The following CNTNAP5 variants were observed in gnomAD, a reference collection of about 807,000 sequenced individuals.
CNTNAP5 encodes contactin associated protein family member 5.
A neutral mutation model predicts 150.2 loss-of-function variants in CNTNAP5; 72 were observed. The observed-to-expected ratio is 0.48, with a 90% CI of 0.40 to 0.58. CNTNAP5 has a LOEUF of 0.58. Among genes scored for constraint, CNTNAP5 ranks in the 20% least tolerant of loss-of-function variants. CNTNAP5 has a pLI of 0.00. For synonymous variants in CNTNAP5, 672 were observed against 619.8 expected (o/e 1.08, Z -1.25); for missense variants, 1,636 against 1,626.2 (o/e 1.01, Z -0.10).
intron 1 of CNTNAP5, among the ~76,000 whole-genome samples, chr2:124,105,283 A>G (rs76652660): frequency 0.093 from 14,125 of 152,302 alleles, 780 homozygotes; most frequent in Non-Finnish European, 0.13. Flanking sequence ...ACTGCCATTA[A>G]AAACAATGTT....
rs775311842 is a variant in CNTNAP5, at chr2:124,504,281, T to C, written c.1063-11T>C. The C allele has an allele frequency of 6.8e-6, 11 of 1,607,902 alleles. No homozygotes were observed. The East Asian group carries it at 8.9e-5, about 13-fold the overall frequency. ...ATGGCTTTTATATGTTTGACTTTTATTGTTTTCCAGGGCAATGTCACTTTT... is the reference window on the plus strand; with the variant it reads ...ATGGCTTTTATATGTTTGACTTTTACTGTTTTCCAGGGCAATGTCACTTTT... On this transcript the variant is annotated splice_polypyrimidine_tract_variant and intron_variant, in intron 7 of 23. Coordinates refer to ENST00000682447, the MANE Select transcript of CNTNAP5 (RefSeq NM_001367498.1).
intron 7 of CNTNAP5, among the ~76,000 whole-genome samples, chr2:124,503,608 C>T (rs756906887): frequency 2.6e-5 from 4 of 152,292 alleles, no homozygotes; most frequent in Middle Eastern, 3.4e-3. Flanking sequence ...TGTCACTGCA[C>T]TGTTTCTAAG....
intron 19 of CNTNAP5, among the ~76,000 whole-genome samples, chr2:124,840,514 C>A (rs532638123): frequency 6.6e-6 from 1 of 152,184 alleles, no homozygotes; most frequent in South Asian, 2.1e-4. Context: ...GAAAGGTGGA[C>A]AGTATGCATT....
At chr2:124,458,029 GA>G (rs34091248) in intron 6 of CNTNAP5, among the ~76,000 whole-genome samples, 70,985 of 150,698 alleles carry the variant, frequency 0.47, 16,844 homozygotes, top group Middle Eastern at 0.59. Flanking sequence ...ACTAAAAGTA[GA>G]ACTACCATTG....
chr2:124,585,490 A>G (rs139136492), intron 11 of CNTNAP5, among the ~76,000 whole-genome samples: 1 of 152,240 alleles, frequency 6.6e-6, no homozygotes, highest in East Asian at 1.9e-4. Context: ...TTCTCTTTGG[A>G]ATTTGAATGA....
intron 3 of CNTNAP5, among the ~76,000 whole-genome samples, chr2:124,399,023 T>C (rs952332438): frequency 2.0e-5 from 3 of 152,192 alleles, no homozygotes; most frequent in African/African-American, 7.2e-5. Flanking sequence ...ACCAGACAAC[T>C]TGGCAAGAGA....
chr2:124,656,892 G>T (rs1435207921), intron 13 of CNTNAP5, among the ~76,000 whole-genome samples: 1 of 152,170 alleles, frequency 6.6e-6, no homozygotes, highest in African/African-American at 2.4e-5. Context: ...AAAGAACATG[G>T]ATTTTCTTCA....
chr2:124,131,381 C>G lies in CNTNAP5; in HGVS notation c.83-90324C>G, dbSNP rs144420504. On this transcript the variant is annotated intron_variant, in intron 1 of 23. Coordinates refer to ENST00000682447, the MANE Select transcript of CNTNAP5 (RefSeq NM_001367498.1). ...TTCCCCCAGGATCATTCAGTCCTGCCAACAATCTTATATCGTAAGTATTAC... is the reference window on the plus strand; with the variant it reads ...TTCCCCCAGGATCATTCAGTCCTGCGAACAATCTTATATCGTAAGTATTAC... Among the ~76,000 whole-genome samples, 303 of 152,226 alleles carry G rather than the reference C, an allele frequency of 2.0e-3. 4 individuals are homozygous for G. Among genetic ancestry groups the G allele is most frequent in the Admixed American group, 0.017 (264 of 15,290 alleles).
intron 13 of CNTNAP5, among the ~76,000 whole-genome samples, chr2:124,709,491 T>C (rs1037665794): frequency 2.6e-5 from 4 of 152,174 alleles, no homozygotes; most frequent in East Asian, 3.9e-4. Flanking sequence ...AGGGAACCAT[T>C]AATGAGTTAT....
chr2:124,097,483 C>A (rs1281680624), intron 1 of CNTNAP5, among the ~76,000 whole-genome samples: 1 of 152,316 alleles, frequency 6.6e-6, no homozygotes, highest in East Asian at 1.9e-4. Flanking sequence ...TAAGACAAAT[C>A]TTTTCCTCTC....
At chr2:124,384,870 C>T (rs868714623) in intron 3 of CNTNAP5, among the ~76,000 whole-genome samples, 19 of 152,156 alleles carry the variant, frequency 1.2e-4, no homozygotes, top group African/African-American at 3.6e-4. Flanking sequence ...GTGATCACCA[C>T]GCTGTGCCTA....
At chr2:124,268,755 C>T (rs1488163099) in intron 3 of CNTNAP5, among the ~76,000 whole-genome samples, 1 of 152,160 alleles carries the variant, frequency 6.6e-6, no homozygotes, top group Non-Finnish European at 1.5e-5. Flanking sequence ...AGTGTCTACA[C>T]CTTGGTCCCA....
rs115172104 is a variant in CNTNAP5, at chr2:124,817,544, T to C, written c.3217+19224T>C. ...GTCTTGATGATGTTTAAGTCTATTC[T>C]AACAGATTATAGCTAGAGTTGTATA... is the stretch of plus-strand genomic sequence containing the variant. On this transcript the variant is annotated intron_variant, in intron 19 of 23. Transcript: ENST00000682447. Among the ~76,000 whole-genome samples the C allele has an allele frequency of 6.3e-3, 966 of 152,298 alleles. 9 individuals carry two copies. Among genetic ancestry groups the C allele is most frequent in the Middle Eastern group, 0.037 (11 of 294 alleles).
intron 1 of CNTNAP5, among the ~76,000 whole-genome samples, chr2:124,104,336 A>T (rs1311255331): frequency 4.6e-5 from 7 of 152,124 alleles, no homozygotes; most frequent in Non-Finnish European, 8.8e-5. Context: ...CATAAATATC[A>T]GTAAGTGTCA....
At chr2:124,744,044 C>T (rs1190325884) in intron 13 of CNTNAP5, among the ~76,000 whole-genome samples, 2 of 152,146 alleles carry the variant, frequency 1.3e-5, no homozygotes, top group Admixed American at 6.6e-5. Context: ...TCATAGCACA[C>T]TTGCTGTCCT....
At chr2:124,669,565 A>C (rs925453703) in intron 13 of CNTNAP5, among the ~76,000 whole-genome samples, 1 of 152,180 alleles carries the variant, frequency 6.6e-6, no homozygotes, top group Non-Finnish European at 1.5e-5. Flanking sequence ...GAGAATCTCA[A>C]ATTTAGATCT....
intron 5 of CNTNAP5, among the ~76,000 whole-genome samples, chr2:124,441,863 A>G (rs961886804): frequency 4.9e-4 from 74 of 151,678 alleles, no homozygotes; most frequent in Non-Finnish European, 9.3e-4. Flanking sequence ...GGGCATATAT[A>G]TATATATATA....
intron 3 of CNTNAP5, among the ~76,000 whole-genome samples, chr2:124,274,444 C>T (rs1687836039): frequency 6.6e-6 from 1 of 152,106 alleles, no homozygotes; most frequent in African/African-American, 2.4e-5. Context: ...GATCTTTTCC[C>T]ATTTTGTGTG....
intron 3 of CNTNAP5, among the ~76,000 whole-genome samples, chr2:124,298,044 C>T (rs936032633): frequency 1.2e-4 from 18 of 151,922 alleles, no homozygotes; most frequent in Admixed American, 9.8e-4. Context: ...GGGGTTTTAC[C>T]ATGTTGGTCA....
Sources: allele counts gnomAD v4.1 joint callset (sites outside exome capture counted in the v4.1 genomes callset), GRCh38; gene constraint gnomAD v4.1.1; transcripts MANE v1.5; gene names NCBI Gene and HGNC (gene_info 2026-07-23, HGNC 2026-07-21).